Variants in RASGRP3 observed in about 807,000 individuals in gnomAD.
The protein encoded by RASGRP3 is RAS guanyl releasing protein 3.
In RASGRP3, 54 loss-of-function variants were observed where a neutral mutation model predicts 82.7. The observed-to-expected ratio is 0.65, with a 90% CI of 0.52 to 0.82. The LOEUF (loss-of-function observed/expected upper bound fraction) is 0.82, where lower values mean the gene tolerates loss of function less well. RASGRP3 is among the 40% of genes least tolerant of loss of function. RASGRP3 has a pLI of 0.00. For missense variants in RASGRP3, 861 were observed against 828.9 expected (o/e 1.04, Z -0.48); for synonymous variants, 309 against 300.5 (o/e 1.03, Z -0.29).
intron 11 of RASGRP3, among the ~76,000 whole-genome samples, chr2:33,534,836 C>T (rs115274492): frequency 0.015 from 2,329 of 151,970 alleles, 65 homozygotes; most frequent in African/African-American, 0.054. Context: ...TCACCACGCC[C>T]GGCCATTATT....
At position 33,547,888 on chromosome 2, in the gene RASGRP3, G is replaced by C. The variant is rs77574946; in HGVS notation, c.1395-1716G>C. Among the ~76,000 whole-genome samples the C allele has an allele frequency of 9.2e-3, 1,393 of 152,122 alleles. 25 individuals are homozygous for C. The highest frequency in any genetic ancestry group is 0.031 in the African/African-American group (1,272 of 41,484). On this transcript the variant is annotated intron_variant, in intron 13 of 17. Transcript: ENST00000403687. The stretch of plus-strand genomic sequence containing the variant: ...GCATGCAATTCCAGGGTGCCTAAGG[G>C]GAGAGCGCCAAAAGAAGGAAACATG...
At chr2:33,500,239 G>C (rs191932270) in intron 1 of RASGRP3, among the ~76,000 whole-genome samples, 84 of 152,300 alleles carry the variant, frequency 5.5e-4, no homozygotes, top group Non-Finnish European at 9.8e-4. Flanking sequence ...GTATGCCATG[G>C]AAAGGACTTT....
chr2:33,464,369 C>G (rs1209776825), intron 2 of RASGRP3, among the ~76,000 whole-genome samples: 2 of 151,302 alleles, frequency 1.3e-5, no homozygotes, highest in Non-Finnish European at 2.9e-5. Flanking sequence ...ATCTACCCAC[C>G]TCAGCCTCCC....
At chr2:33,443,069 C>G (rs1167059323) in intron 1 of RASGRP3, among the ~76,000 whole-genome samples, 2 of 152,148 alleles carry the variant, frequency 1.3e-5, no homozygotes, top group Non-Finnish European at 2.9e-5. Context: ...GTAAAATGCA[C>G]AGCGATATTG....
At chr2:33,494,048 A>C (rs1415345270) in intron 1 of RASGRP3, among the ~76,000 whole-genome samples, 1 of 152,196 alleles carries the variant, frequency 6.6e-6, no homozygotes, top group Admixed American at 6.5e-5. Context: ...GCTCACTATG[A>C]TGGAATATTT....
chr2:33,558,875 A>C lies in RASGRP3; in HGVS notation c.1909A>C (p.Lys637Gln). 1 of 1,614,034 alleles carries C rather than the reference A, an allele frequency of 6.2e-7. No individual in the cohort carries two copies. The highest frequency in any genetic ancestry group is 8.5e-7 in the Non-Finnish European group (1 of 1,179,900). ...GGGGTCCCACACCTTCCCTAAAATG[A>C]AATCCAAGTTCCATGACAAAGCAGC... is the stretch of plus-strand genomic sequence containing the variant. ...DSGSHTFPKM[K>Q]SKFHDKAAKD... The change falls in exon 17 of 18, where the codon AAA becomes CAA. Residue 637 changes from lysine to glutamine, a missense_variant. Physicochemically the swap from Lys to Gln is moderately conservative, Grantham distance 53 (BLOSUM62 1). Coordinates refer to ENST00000403687, the MANE Select transcript of RASGRP3 (RefSeq NM_001139488.2).
intron 11 of RASGRP3, among the ~76,000 whole-genome samples, chr2:33,535,860 A>G (rs1191058839): frequency 6.6e-6 from 1 of 152,196 alleles, no homozygotes; most frequent in African/African-American, 2.4e-5. Flanking sequence ...TTTTGTCATG[A>G]CGAACCTGGC....
intron 1 of RASGRP3, among the ~76,000 whole-genome samples, chr2:33,508,761 C>T (rs1002921948): frequency 6.6e-6 from 1 of 152,188 alleles, no homozygotes; most frequent in Admixed American, 6.5e-5. Flanking sequence ...TTTTTCTTCT[C>T]CTGGAGGTAT....
intron 17 of RASGRP3, among the ~76,000 whole-genome samples, 181 bp from the exon 18 acceptor site, chr2:33,562,548 G>A (rs181941626): frequency 2.0e-5 from 3 of 152,256 alleles, no homozygotes; most frequent in Non-Finnish European, 2.9e-5. Context: ...TGGGATTATA[G>A]GTGTGAGCCA....
chr2:33,531,165 A>G (rs527611897), intron 10 of RASGRP3, among the ~76,000 whole-genome samples: 4 of 152,360 alleles, frequency 2.6e-5, no homozygotes, highest in Middle Eastern at 3.4e-3. Context: ...GCCAATGTAG[A>G]TCCTAATGAA....
chr2:33,450,995 G>T (rs1209361445), intron 2 of RASGRP3, among the ~76,000 whole-genome samples: 1 of 150,914 alleles, frequency 6.6e-6, no homozygotes, highest in Non-Finnish European at 1.5e-5. Context: ...CTGCCACCAC[G>T]CCTGGCTAAT....
At chr2:33,516,400 C>G (rs992494907) in intron 3 of RASGRP3, 142 bp from the exon 4 acceptor site, 2 of 573,918 alleles carry the variant, frequency 3.5e-6, no homozygotes, top group East Asian at 3.1e-5. Context: ...GAGCAAGACT[C>G]CATCTTAAAA....
At chr2:33,498,398 G>T (rs1345020089) in intron 1 of RASGRP3, among the ~76,000 whole-genome samples, 7 of 152,182 alleles carry the variant, frequency 4.6e-5, no homozygotes, top group African/African-American at 7.2e-5. Context: ...TAGAGTCCAT[G>T]CTCTTTACCA....
chr2:33,510,510 A>G, intron 1 of RASGRP3, among the ~76,000 whole-genome samples: 1 of 152,186 alleles, frequency 6.6e-6, no homozygotes, highest in Non-Finnish European at 1.5e-5. Context: ...TAGGTGCTCC[A>G]GTGTCATCGT....
chr2:33,535,438 T>C (rs1673513094), intron 11 of RASGRP3, among the ~76,000 whole-genome samples: 1 of 152,262 alleles, frequency 6.6e-6, no homozygotes. Flanking sequence ...CTTATAAAGA[T>C]CTCATCCTTA....
chr2:33,454,025 TCA>T (rs1389688392), intron 2 of RASGRP3, among the ~76,000 whole-genome samples: 1 of 152,134 alleles, frequency 6.6e-6, no homozygotes, highest in East Asian at 1.9e-4. Context: ...GCTGTGTTTT[TCA>T]CAGTCATCTT....
intron 1 of RASGRP3, among the ~76,000 whole-genome samples, chr2:33,499,311 A>G (rs1340988085): frequency 6.6e-6 from 1 of 152,120 alleles, no homozygotes; most frequent in African/African-American, 2.4e-5. Context: ...TAATCTCAGC[A>G]CTTTGGGAGA....
intron 1 of RASGRP3, among the ~76,000 whole-genome samples, chr2:33,437,510 T>C (rs1485127785): frequency 6.6e-6 from 1 of 152,214 alleles, no homozygotes. Flanking sequence ...TTCTGGTGGA[T>C]TATTGAAAAG....
rs182976033 is a variant in RASGRP3, at chr2:33,491,669, G to A, written c.-261+14962G>A. Among the ~76,000 whole-genome samples the A allele has an allele frequency of 3.3e-5, 5 of 152,342 alleles. No individual in the cohort carries two copies. The East Asian group carries it at 9.6e-4, about 29-fold the overall frequency. On this transcript the variant is annotated intron_variant, in intron 1 of 17. Transcript: ENST00000403687. ...TTGCATCTGAACTCTTGTGGTTTGT[G>A]AGCCAACAAAATATCATCAGTCCTC...
Sources: allele counts gnomAD v4.1 joint callset (sites outside exome capture counted in the v4.1 genomes callset), GRCh38; gene constraint gnomAD v4.1.1; transcripts MANE v1.5; gene names NCBI Gene and HGNC (gene_info 2026-07-23, HGNC 2026-07-21).